The following GOLGA4 variants were observed in gnomAD, a reference collection of about 807,000 sequenced individuals.
GOLGA4 encodes golgin A4.
GOLGA4 carries 169 observed loss-of-function variants against 265.9 expected under a neutral mutation model. The observed-to-expected ratio is 0.64, with a 90% CI of 0.56 to 0.72. The LOEUF is 0.72. Among genes scored for constraint, GOLGA4 ranks in the 30% least tolerant of loss-of-function variants. The pLI, the probability that GOLGA4 is intolerant of heterozygous loss-of-function variation, is 0.00. For synonymous variants in GOLGA4, 923 were observed against 855.8 expected, an observed-to-expected ratio of 1.08 and a Z score of -1.37; for missense variants, 2,482 against 2,483.4, an observed-to-expected ratio of 1.00 and a Z score of 0.01.
intron 23 of GOLGA4, among the ~76,000 whole-genome samples, chr3:37,365,121 TTTAAA>T (rs1193921522): frequency 1.3e-5 from 2 of 152,166 alleles, no homozygotes; most frequent in African/African-American, 2.4e-5. Flanking sequence ...GTTTTTAATT[TTTAAA>T]TTAAATTTCT....
At chr3:37,296,281 TAC>T in intron 7 of GOLGA4, 62 bp downstream of exon 7, 1 of 1,541,230 alleles carries the variant, frequency 6.5e-7, no homozygotes, top group Admixed American at 1.8e-5. Flanking sequence ...CTCCTTGGCT[TAC>T]ACCTTTAATC....
Position 37,327,320 on chromosome 3 carries a change from G to T in GOLGA4, c.5434G>T (p.Val1812Leu). 6.2e-7 allele frequency: 1 copy of T among 1,613,850 alleles called. No individual in the cohort carries two copies. The highest frequency in any genetic ancestry group is 8.5e-7 in the Non-Finnish European group (1 of 1,179,828). The change falls in exon 14 of 24, where the codon GTA becomes TTA. Residue 1812 changes from valine to leucine, a missense_variant. This residue lies in a region of GOLGA4 where 942 missense variants were observed against 983.1 expected (regional missense o/e 0.96). Coordinates refer to ENST00000361924, the MANE Select transcript of GOLGA4 (RefSeq NM_002078.5). ...EEKNKKYSLI[V>L]AQHVEKEGGK... ...AAAAAACAAGAAATATTCCTTGATA[G>T]TAGCCCAGCATGTGGAAAAAGAAGG... is the stretch of plus-strand genomic sequence containing the variant.
chr3:37,357,164 T>C (rs1394887639), intron 22 of GOLGA4, among the ~76,000 whole-genome samples: 1 of 152,164 alleles, frequency 6.6e-6, no homozygotes, highest in Non-Finnish European at 1.5e-5. Context: ...TCATTCTAGG[T>C]AGGGATGAAA....
At position 37,366,791 on chromosome 3, in the gene GOLGA4, A is replaced by T. The variant is rs1696773599; in HGVS notation, c.*745A>T. 6.6e-6 allele frequency: 1 copy of T among 152,350 alleles called. No homozygotes were observed. Among genetic ancestry groups the T allele is most frequent in the Non-Finnish European group, 1.5e-5 (1 of 68,030 alleles). The allele number at this position is 152,350 out of a possible 1,614,324, so 9.4% of individuals were successfully genotyped here. A position where few individuals can be genotyped will look rare whatever the true frequency, so the allele number is the denominator to read the frequency against. On this transcript the variant is annotated 3_prime_UTR_variant, in exon 24 of 24. Coordinates refer to ENST00000361924, the MANE Select transcript of GOLGA4 (RefSeq NM_002078.5). ...TTGTTCCTCAGTTGAAATCTATTTT[A>T]AAATGTTTAAGAATGCATATTCTAT...
chr3:37,342,203 G>C (rs999810720), intron 20 of GOLGA4, among the ~76,000 whole-genome samples: 2 of 152,100 alleles, frequency 1.3e-5, no homozygotes, highest in African/African-American at 4.8e-5. Context: ...AATTAGCCGC[G>C]TATGGTGGCG....
intron 23 of GOLGA4, among the ~76,000 whole-genome samples, chr3:37,362,649 C>A (rs981758489): frequency 7.2e-5 from 11 of 151,872 alleles, no homozygotes; most frequent in Non-Finnish European, 2.9e-5. Flanking sequence ...GATCCTCCCA[C>A]CTCAGCCTCC....
rs1187451025 is a variant in GOLGA4, at chr3:37,289,234, G to A, written c.526-1G>A. The A allele has an allele frequency of 6.4e-7, 1 of 1,571,462 alleles. No individual in the cohort carries two copies. The highest frequency in any genetic ancestry group is 8.7e-7 in the Non-Finnish European group (1 of 1,147,710). ...AGCTTTTTTTTCTCTCTCAATTAAA[G>A]GGTATATTAAGTCAGAGTCAGGATA... On this transcript the variant is annotated splice_acceptor_variant, in intron 4 of 23. Transcript: ENST00000361924. LOFTEE classifies it high-confidence loss of function.
chr3:37,289,831 C>A (rs2096860279), intron 5 of GOLGA4, among the ~76,000 whole-genome samples: 1 of 152,168 alleles, frequency 6.6e-6, no homozygotes, highest in African/African-American at 2.4e-5. Context: ...TCAGGTCCAT[C>A]TGATACCTTG....
rs80292785 is a variant in GOLGA4, at chr3:37,349,014, G to A, written c.6576+1718G>A. On this transcript the variant is annotated intron_variant, in intron 21 of 23. Transcript: ENST00000361924. ...AGCAGCCCCATCTAATAAGCTGGCT[G>A]GGAATTTGTGTTGAGGAGTAGTGCT... Among the ~76,000 whole-genome samples, 1,219 of 152,214 alleles carry A rather than the reference G, an allele frequency of 8.0e-3. 14 individuals carry two copies. Among genetic ancestry groups the A allele is most frequent in the African/African-American group, 0.026 (1,093 of 41,540 alleles).
At chr3:37,361,676 T>C (rs1182479688) in intron 23 of GOLGA4, among the ~76,000 whole-genome samples, 1 of 152,224 alleles carries the variant, frequency 6.6e-6, no homozygotes, top group African/African-American at 2.4e-5. Context: ...AAAAATCATT[T>C]TCTAGATAAA....
intron 22 of GOLGA4, among the ~76,000 whole-genome samples, chr3:37,358,584 A>G (rs974848716): frequency 1.3e-5 from 2 of 152,224 alleles, no homozygotes; most frequent in Non-Finnish European, 2.9e-5. Context: ...CAAGACTAAC[A>G]TAATCTTGTT....
chr3:37,251,940 A>G (rs1339140260), intron 2 of GOLGA4, among the ~76,000 whole-genome samples: 8 of 152,210 alleles, frequency 5.3e-5, no homozygotes, highest in African/African-American at 1.9e-4. Flanking sequence ...ATTATGCTTT[A>G]TAAAGTATGG....
At chr3:37,309,794 G>A (rs2096918163) in intron 10 of GOLGA4, among the ~76,000 whole-genome samples, 1 of 152,142 alleles carries the variant, frequency 6.6e-6, no homozygotes, top group South Asian at 2.1e-4. Context: ...TTGAAATATG[G>A]GAAGAAAATC....
chr3:37,268,204 C>T (rs1454498427), intron 2 of GOLGA4, among the ~76,000 whole-genome samples: 2 of 152,094 alleles, frequency 1.3e-5, no homozygotes, highest in African/African-American at 4.8e-5. Flanking sequence ...TCCTCAGCCT[C>T]CCAAGTATGT....
intron 10 of GOLGA4, among the ~76,000 whole-genome samples, chr3:37,308,543 G>C (rs2096913615): frequency 1.3e-5 from 2 of 151,206 alleles, no homozygotes; most frequent in African/African-American, 2.4e-5. Flanking sequence ...AAAACTTATT[G>C]GTGATTCCAA....
chr3:37,265,589 C>T lies in GOLGA4; in HGVS notation c.162+14105C>T, dbSNP rs577015083. Among the ~76,000 whole-genome samples the T allele has an allele frequency of 2.0e-5, 3 of 152,096 alleles. No homozygotes were observed. In the East Asian group the frequency reaches 5.8e-4, roughly 29 times the overall value. Reference sequence around the variant, plus strand: ...ATTGACATGTAAAAAGCTGTACATACTTAATGTATACAATTTGATGAATTT... The same window carrying T: ...ATTGACATGTAAAAAGCTGTACATATTTAATGTATACAATTTGATGAATTT... On this transcript the variant is annotated intron_variant, in intron 2 of 23. Transcript: ENST00000361924.
rs2150929194 is a variant in GOLGA4 at position 37,315,660 on chromosome 3, TTACACTCTTTGACTGTAAAG to T, written c.1413+63_1413+82del. 1.8e-5 allele frequency: 24 copies of T among 1,306,132 alleles called. No individual in the cohort carries two copies. In the South Asian group the frequency reaches 2.4e-4, roughly 13 times the overall value. The allele number at this position is 1,306,132 out of a possible 1,614,324, so 80.9% of individuals were successfully genotyped here. A position where few individuals can be genotyped will look rare whatever the true frequency, so the allele number is the denominator to read the frequency against. ...ATTTGAAATTTAAGTGTATTTTTCCTTACACTCTTTGACTGTAAAGAAGAGTTTGTTTGTATTTTAGACAT... is the reference window on the plus strand; with the variant it reads ...ATTTGAAATTTAAGTGTATTTTTCCTAAGAGTTTGTTTGTATTTTAGACAT... On this transcript the variant is annotated intron_variant, in intron 11 of 23. Coordinates refer to ENST00000361924, the MANE Select transcript of GOLGA4 (RefSeq NM_002078.5).
In GOLGA4 at chr3:37,349,052, T is replaced by A. The variant is rs146002809; in HGVS notation, c.6576+1756T>A. Among the ~76,000 whole-genome samples the A allele has an allele frequency of 2.6e-5, 4 of 152,290 alleles. No individual in the cohort carries two copies. In the East Asian group the frequency reaches 7.7e-4, roughly 29 times the overall value. ...GAGGAGTAGTGCTCTCTCTCCTCTT[T>A]ATCTTCAGCGTCGATTCTCCTTTTC... On this transcript the variant is annotated intron_variant, in intron 21 of 23. Coordinates refer to ENST00000361924, the MANE Select transcript of GOLGA4 (RefSeq NM_002078.5).
chr3:37,305,669 G>A (rs2096904175), intron 10 of GOLGA4, among the ~76,000 whole-genome samples: 1 of 152,146 alleles, frequency 6.6e-6, no homozygotes, highest in Non-Finnish European at 1.5e-5. Flanking sequence ...ATAAGAACTG[G>A]CCATGTGAAG....
Sources: gnomAD v4.1 joint callset for allele counts (sites outside exome capture counted in the v4.1 genomes callset) on GRCh38, gnomAD v4.1.1 for gene constraint, gnomAD v4.1.1 regional missense constraint, MANE v1.5 for transcripts, NCBI Gene and HGNC (gene_info 2026-07-23, HGNC 2026-07-21) for gene names.